Variants in GRID2 observed in about 807,000 individuals in gnomAD.
The protein encoded by GRID2 is glutamate receptor ionotropic, delta-2.
Under a neutral mutation model 114.8 loss-of-function variants are expected in GRID2, and 33 were observed. That is an observed-to-expected ratio of 0.29 (90% CI 0.22 to 0.38). The LOEUF (loss-of-function observed/expected upper bound fraction) is 0.38. Among genes scored for constraint, GRID2 ranks in the 10% least tolerant of loss-of-function variants. The pLI is 1.00. For missense variants in GRID2, 1,184 were observed against 1,257.7 expected (o/e 0.94, Z 0.89); for synonymous variants, 505 against 449.9 (o/e 1.12, Z -1.55).
chr4:92,727,239 G>A (rs1221037281), intron 2 of GRID2, among the ~76,000 whole-genome samples: 1 of 151,956 alleles, frequency 6.6e-6, no homozygotes, highest in Non-Finnish European at 1.5e-5. Context: ...ACAATAAAAA[G>A]ACTTAATTTA....
chr4:93,657,115 A>G (rs1723092487), intron 14 of GRID2, among the ~76,000 whole-genome samples: 1 of 152,122 alleles, frequency 6.6e-6, no homozygotes, highest in Non-Finnish European at 1.5e-5. Flanking sequence ...ATATACATTG[A>G]TAACATCTAT....
chr4:92,970,348 A>G (rs1478727272), intron 2 of GRID2, among the ~76,000 whole-genome samples: 1 of 151,984 alleles, frequency 6.6e-6, no homozygotes, highest in South Asian at 2.1e-4. Context: ...GGATATATGC[A>G]TCTTTGAATA....
At chr4:93,394,221 T>C (rs1345689612) in intron 8 of GRID2, among the ~76,000 whole-genome samples, 1 of 151,958 alleles carries the variant, frequency 6.6e-6, no homozygotes, top group African/African-American at 2.4e-5. Context: ...TTTCAACACA[T>C]TTGGATTTGC....
At chr4:92,404,459 T>C (rs1394624546) in intron 1 of GRID2, among the ~76,000 whole-genome samples, 2 of 152,162 alleles carry the variant, frequency 1.3e-5, no homozygotes, top group East Asian at 3.8e-4. Flanking sequence ...AGTTCAACCA[T>C]TGTGGAAGAC....
chr4:93,344,984 A>T (rs1218609253), intron 8 of GRID2, among the ~76,000 whole-genome samples: 4 of 142,406 alleles, frequency 2.8e-5, no homozygotes, highest in Non-Finnish European at 4.6e-5. Flanking sequence ...GTTGTATTCT[A>T]GTGTGTGTGT....
At chr4:92,737,750 A>G (rs1479855515) in intron 2 of GRID2, among the ~76,000 whole-genome samples, 1 of 152,148 alleles carries the variant, frequency 6.6e-6, no homozygotes, top group African/African-American at 2.4e-5. Flanking sequence ...AAAATAGGGT[A>G]TTCTCAATAT....
chr4:92,985,980 T>C (rs778254956), intron 2 of GRID2, among the ~76,000 whole-genome samples: 3 of 152,176 alleles, frequency 2.0e-5, no homozygotes, highest in Admixed American at 6.5e-5. Flanking sequence ...TACATTCTCA[T>C]GCATATAACT....
intron 14 of GRID2, among the ~76,000 whole-genome samples, chr4:93,736,646 A>C (rs934850797): frequency 6.6e-6 from 1 of 151,994 alleles, no homozygotes; most frequent in African/African-American, 2.4e-5. Context: ...TAAAATAATA[A>C]TGGTTTGCTA....
chr4:92,748,083 G>T (rs1737243041), intron 2 of GRID2, among the ~76,000 whole-genome samples: 2 of 152,006 alleles, frequency 1.3e-5, no homozygotes, highest in South Asian at 2.1e-4. Context: ...CATCTTTTCT[G>T]GTCCTGCTCA....
chr4:92,975,216 C>CAT (rs936120425), intron 2 of GRID2, among the ~76,000 whole-genome samples: 2 of 141,070 alleles, frequency 1.4e-5, no homozygotes, highest in East Asian at 2.1e-4. Context: ...TATATATGTG[C>CAT]ATATATATAA....
At chr4:92,324,278 C>G (rs902315494) in intron 1 of GRID2, among the ~76,000 whole-genome samples, 1 of 151,952 alleles carries the variant, frequency 6.6e-6, no homozygotes, top group South Asian at 2.1e-4. Context: ...AGCTTGCACT[C>G]TCCACTCTTC....
At chr4:92,485,803 C>T (rs142130074) in intron 1 of GRID2, among the ~76,000 whole-genome samples, 116 of 152,010 alleles carry the variant, frequency 7.6e-4, no homozygotes, top group African/African-American at 2.7e-3. Context: ...GTATCATCTG[C>T]TCTGCATTAA....
intron 4 of GRID2, among the ~76,000 whole-genome samples, chr4:93,183,480 T>C (rs969943606): frequency 6.6e-6 from 1 of 152,216 alleles, no homozygotes; most frequent in Non-Finnish European, 1.5e-5. Flanking sequence ...AAAGAGTCCC[T>C]GTAGCTACTA....
intron 1 of GRID2, among the ~76,000 whole-genome samples, chr4:93,783,847 C>T (rs573164249): frequency 1.3e-5 from 2 of 151,596 alleles, no homozygotes; most frequent in African/African-American, 2.4e-5. Context: ...CCGAGGTGGG[C>T]GGATCACGAG....
chr4:93,578,863 G>A (rs1736696098), intron 13 of GRID2, among the ~76,000 whole-genome samples: 1 of 152,164 alleles, frequency 6.6e-6, no homozygotes. Context: ...AGAGTGCTGG[G>A]ATTACAGGCG....
chr4:92,550,676 G>C (rs1420964326), intron 1 of GRID2, among the ~76,000 whole-genome samples: 1 of 152,008 alleles, frequency 6.6e-6, no homozygotes, highest in Non-Finnish European at 1.5e-5. Flanking sequence ...CACAGTTTCA[G>C]GGTACTTTAC....
chr4:93,033,919 C>T (rs2149260689), intron 2 of GRID2, among the ~76,000 whole-genome samples: 1 of 152,258 alleles, frequency 6.6e-6, no homozygotes, highest in African/African-American at 2.4e-5. Flanking sequence ...CTTACTTTGA[C>T]TGACATTGGT....
chr4:93,255,806 C>A (rs190829757), intron 8 of GRID2, among the ~76,000 whole-genome samples: 8 of 152,142 alleles, frequency 5.3e-5, no homozygotes, highest in Admixed American at 2.0e-4. Context: ...GACTAAGGAA[C>A]TATGAGCTAA....
At chr4:92,412,733 C>A (rs1256737679) in intron 1 of GRID2, among the ~76,000 whole-genome samples, 1 of 152,132 alleles carries the variant, frequency 6.6e-6, no homozygotes, top group Non-Finnish European at 1.5e-5. Flanking sequence ...CCCTGTTGCA[C>A]TTTACAAGGC....
Sources: gnomAD v4.1 joint callset for allele counts (sites outside exome capture counted in the v4.1 genomes callset) on GRCh38, gnomAD v4.1.1 for gene constraint, MANE v1.5 for transcripts, NCBI Gene and HGNC (gene_info 2026-07-23, HGNC 2026-07-21) for gene names.